RSBN1L: variants seen among roughly 807,000 people sequenced by gnomAD.
RSBN1L encodes the protein lysine-specific demethylase RSBN1L.
Under a neutral mutation model 67.7 loss-of-function variants are expected in RSBN1L, and 30 were observed. The ratio of observed to expected loss-of-function variants is 0.44; its 90% CI spans 0.33 to 0.60. The LOEUF (loss-of-function observed/expected upper bound fraction) is 0.60, where lower values mean the gene tolerates loss of function less well. RSBN1L is among the 20% of genes least tolerant of loss of function. The probability of loss-of-function intolerance (pLI) is 0.02; values close to 1 mark genes in which losing one functional copy is unlikely to be tolerated. For missense variants in RSBN1L, 992 were observed against 1,031.7 expected (o/e 0.96, Z 0.53); for synonymous variants, 433 against 387.0 (o/e 1.12, Z -1.39).
intron 1 of RSBN1L, among the ~76,000 whole-genome samples, chr7:77,706,648 T>TA (rs1293673116): frequency 1.3e-5 from 2 of 152,226 alleles, no homozygotes; most frequent in African/African-American, 4.8e-5. Flanking sequence ...CTCCTATGTC[T>TA]AGTTTAAAAT....
chr7:77,770,969 G>C (rs975472682), intron 5 of RSBN1L, among the ~76,000 whole-genome samples: 1 of 152,184 alleles, frequency 6.6e-6, no homozygotes, highest in Admixed American at 6.5e-5. Context: ...TTGAGACTGA[G>C]TCTTGCTCTG....
At chr7:77,741,489 A>G (rs1375676819) in intron 2 of RSBN1L, among the ~76,000 whole-genome samples, 3 of 151,726 alleles carry the variant, frequency 2.0e-5, no homozygotes, top group Admixed American at 6.6e-5. Context: ...CAGGAGATCA[A>G]GACCATCCTG....
In RSBN1L at chr7:77,703,199, A is replaced by T. The variant is rs188462334; in HGVS notation, c.586+6144A>T. On this transcript the variant is annotated intron_variant, in intron 1 of 7. Transcript: ENST00000334955. The stretch of plus-strand genomic sequence containing the variant: ...TACCCCTCATCTTGGAGCCACTCTG[A>T]TTCAGTTTTACTGAGGACCATACCT... Among the ~76,000 whole-genome samples, 3 of 152,264 alleles carry T rather than the reference A, an allele frequency of 2.0e-5. No homozygotes were observed. The East Asian group carries it at 5.8e-4, about 29-fold the overall frequency.
chr7:77,750,193 A>G (rs1370481119), intron 3 of RSBN1L, 129 bp downstream of exon 3: 1 of 444,638 alleles, frequency 2.2e-6, no homozygotes, highest in African/African-American at 2.0e-5. Flanking sequence ...GGGAGTATTA[A>G]GAGTAAATTA....
At chr7:77,732,973 T>TA (rs1791290250) in intron 1 of RSBN1L, among the ~76,000 whole-genome samples, 1 of 152,096 alleles carries the variant, frequency 6.6e-6, no homozygotes, top group Non-Finnish European at 1.5e-5. Flanking sequence ...GTAACATGAC[T>TA]ACAGGAAGTT....
At position 77,749,863 on chromosome 7, in the gene RSBN1L, A is replaced by G. The variant is rs1791531702; in HGVS notation, c.1143A>G (p.Ala381=). ...CTCCTATGGAGATGGAGAGGTTTGC[A>G]GAAGAGTTTGTGGGTCTAGTGTTCA... ...HLSPMEMERF[A]EEFVGLVFSE... The change falls in exon 3 of 8, where the codon GCA becomes GCG. Residue 381 remains alanine, a synonymous_variant. Transcript: ENST00000334955. 5.0e-6 allele frequency: 8 copies of G among 1,614,068 alleles called. No homozygotes were observed. Among genetic ancestry groups the G allele is most frequent in the South Asian group, 4.4e-5 (4 of 91,090 alleles).
intron 2 of RSBN1L, among the ~76,000 whole-genome samples, chr7:77,744,189 G>A (rs1364726671): frequency 1.3e-5 from 2 of 151,044 alleles, no homozygotes; most frequent in Non-Finnish European, 2.9e-5. Flanking sequence ...GTACCAACAT[G>A]CCCAGCTAAT....
At chr7:77,764,135 C>T (rs934669864) in intron 3 of RSBN1L, among the ~76,000 whole-genome samples, 2 of 152,136 alleles carry the variant, frequency 1.3e-5, no homozygotes, top group African/African-American at 4.8e-5. Context: ...AGTTGACCAT[C>T]CATGTTTGCC....
rs548522422 is a variant in RSBN1L, at chr7:77,748,650, A to G, written c.704-774A>G. 5.3e-5 allele frequency among the ~76,000 whole-genome samples: 8 copies of G among 151,918 alleles called. No homozygotes were observed. In the South Asian group the frequency reaches 1.3e-3, roughly 24 times the overall value. Reference sequence around the variant, plus strand: ...CAGGTGCTCACCACCATGCCCAGCTAATTTTTGTGTTTTTAGTAGAGATGG... The same window carrying G: ...CAGGTGCTCACCACCATGCCCAGCTGATTTTTGTGTTTTTAGTAGAGATGG... On this transcript the variant is annotated intron_variant, in intron 2 of 7. Coordinates refer to ENST00000334955, the MANE Select transcript of RSBN1L (RefSeq NM_198467.3).
chr7:77,714,472 T>C (rs1225295706), intron 1 of RSBN1L, among the ~76,000 whole-genome samples: 1 of 152,238 alleles, frequency 6.6e-6, no homozygotes. Flanking sequence ...TTTTTCGGTC[T>C]AGCTTTTTTC....
intron 3 of RSBN1L, among the ~76,000 whole-genome samples, chr7:77,755,447 C>T (rs1161248836): frequency 1.3e-5 from 2 of 152,112 alleles, no homozygotes; most frequent in East Asian, 3.9e-4. Context: ...GTCGGATCAC[C>T]TGAGGTCAGG....
intron 1 of RSBN1L, among the ~76,000 whole-genome samples, chr7:77,730,573 C>G (rs996499477): frequency 2.0e-5 from 3 of 152,154 alleles, no homozygotes; most frequent in Non-Finnish European, 4.4e-5. Flanking sequence ...CCCACTATAC[C>G]CTGGCAACCA....
At chr7:77,764,675 G>A (rs1046747713) in intron 3 of RSBN1L, among the ~76,000 whole-genome samples, 3 of 151,024 alleles carry the variant, frequency 2.0e-5, no homozygotes, top group Admixed American at 6.6e-5. Context: ...CGCCCAGGCT[G>A]GAGTGCAGTG....
intron 4 of RSBN1L, 82 bp downstream of exon 4, chr7:77,765,714 T>G: frequency 9.4e-7 from 1 of 1,060,330 alleles, no homozygotes; most frequent in South Asian, 2.0e-5. Flanking sequence ...TAAATTGTGA[T>G]TGTTTCTTTC....
At chr7:77,762,403 T>A (rs922442221) in intron 3 of RSBN1L, among the ~76,000 whole-genome samples, 2 of 152,168 alleles carry the variant, frequency 1.3e-5, no homozygotes, top group Admixed American at 6.5e-5. Flanking sequence ...ATTCAGTCTA[T>A]TATGTTAAAC....
intron 6 of RSBN1L, among the ~76,000 whole-genome samples, chr7:77,773,828 T>G (rs1791877726): frequency 6.6e-6 from 1 of 152,190 alleles, no homozygotes; most frequent in South Asian, 2.1e-4. Context: ...ACTGAAATAA[T>G]TAATTTCATG....
chr7:77,704,625 A>G (rs1790863699), intron 1 of RSBN1L, among the ~76,000 whole-genome samples: 1 of 152,164 alleles, frequency 6.6e-6, no homozygotes, highest in African/African-American at 2.4e-5. Context: ...AAATAATTTC[A>G]TTAAGAAACA....
rs1332599105 is a variant in RSBN1L at position 77,781,828 on chromosome 7, CAA to C, written c.*2666_*2667del. ...TGAAACCCCGTCTCTACTAAAAATACAAAAAAATTAGTTGGGCGTGGTGGCGT... is the reference window on the plus strand; with the variant it reads ...TGAAACCCCGTCTCTACTAAAAATACAAAAATTAGTTGGGCGTGGTGGCGT... On this transcript the variant is annotated 3_prime_UTR_variant, in exon 8 of 8. Coordinates refer to ENST00000334955, the MANE Select transcript of RSBN1L (RefSeq NM_198467.3). 6.6e-6 allele frequency: 1 copy of C among 151,906 alleles called. No individual in the cohort carries two copies. The highest frequency in any genetic ancestry group is 1.9e-4 in the East Asian group (1 of 5,188). 9.4% of individuals were successfully genotyped at this position (151,906 alleles called of 1,614,324 possible).
rs770012566 is a variant in RSBN1L at position 77,696,467 on chromosome 7, A to T, written c.-3A>T. On this transcript the variant is annotated 5_prime_UTR_variant, in exon 1 of 8. Coordinates refer to ENST00000334955, the MANE Select transcript of RSBN1L (RefSeq NM_198467.3). ...AGGAGAGTAAATACAACAGGAGCGCAAAATGGCGGAACCGCCGAGCCCCGT... is the reference window on the plus strand; with the variant it reads ...AGGAGAGTAAATACAACAGGAGCGCTAAATGGCGGAACCGCCGAGCCCCGT... 1.2e-6 allele frequency: 2 copies of T among 1,603,172 alleles called. No homozygotes were observed. Among genetic ancestry groups the T allele is most frequent in the African/African-American group, 2.7e-5 (2 of 74,800 alleles).
Sources: gnomAD v4.1 joint callset for allele counts (sites outside exome capture counted in the v4.1 genomes callset) on GRCh38, gnomAD v4.1.1 for gene constraint, MANE v1.5 for transcripts, NCBI Gene and HGNC (gene_info 2026-07-23, HGNC 2026-07-21) for gene names.